The following ZMYM5 variants were observed in gnomAD, a reference collection of about 807,000 sequenced individuals.
The protein encoded by ZMYM5 is zinc finger MYM-type protein 5.
A neutral mutation model predicts 61.8 loss-of-function variants in ZMYM5; 41 were observed. The observed-to-expected ratio is 0.66, with a 90% CI of 0.52 to 0.86. The LOEUF is 0.86. ZMYM5 is among the 40% of genes least tolerant of loss of function. The probability of loss-of-function intolerance (pLI) is 0.00; values close to 1 mark genes in which losing one functional copy is unlikely to be tolerated. For synonymous variants in ZMYM5, 257 were observed against 276.4 expected (o/e 0.93, Z 0.70); for missense variants, 706 against 786.7 (o/e 0.90, Z 1.23).
intron 2 of ZMYM5, among the ~76,000 whole-genome samples, chr13:19,857,680 T>TC (rs1205130997): frequency 2.0e-5 from 3 of 152,058 alleles, no homozygotes; most frequent in Non-Finnish European, 4.4e-5. Context: ...GGCCAGGAGT[T>TC]CAAGACCAAC....
intron 6 of ZMYM5, 30 bp downstream of exon 6, chr13:19,837,626 A>G (rs1952715837): frequency 6.2e-7 from 1 of 1,601,880 alleles, no homozygotes; most frequent in Admixed American, 1.8e-5. Flanking sequence ...CTGTTAGCCT[A>G]AACAACAACT....
chr13:19,826,046 T>TAAAAACAAAAAAAAAAAAAAAAAA (rs1890899661), intron 7 of ZMYM5, among the ~76,000 whole-genome samples: 1 of 118,890 alleles, frequency 8.4e-6, no homozygotes. Flanking sequence ...ACTCCATGCT[T>TAAAAACAAAAAAAAAAAAAAAAAA]AAAAAAAAAA....
chr13:19,833,376 A>G (rs1952584598), intron 7 of ZMYM5, among the ~76,000 whole-genome samples: 1 of 152,194 alleles, frequency 6.6e-6, no homozygotes. Flanking sequence ...TTATTTCAGC[A>G]TAATTTGTTA....
rs564187132 is a variant in ZMYM5, at chr13:19,841,198, C to T, written c.587-2213G>A. ...CAGGCTGGTCTTGAACTCCTGACCT[C>T]GTGATCTGCCCGCCTCAGCCTCCAA... On this transcript the variant is annotated intron_variant, in intron 4 of 7. Transcript: ENST00000337963. 3.3e-5 allele frequency among the ~76,000 whole-genome samples: 5 copies of T among 151,674 alleles called. No individual in the cohort carries two copies. In the South Asian group the frequency reaches 1.0e-3, roughly 32 times the overall value.
chr13:19,841,694 GC>G (rs1952883847), intron 4 of ZMYM5: 1 of 149,808 alleles, frequency 6.7e-6, no homozygotes, highest in Non-Finnish European at 1.5e-5. Context: ...TCTCTCATGA[GC>G]TTTTTTTTTT....
At chr13:19,841,654 T>C (rs1012293249) in intron 4 of ZMYM5, among the ~76,000 whole-genome samples, 17 of 152,094 alleles carry the variant, frequency 1.1e-4, no homozygotes, top group African/African-American at 3.9e-4. Flanking sequence ...ATACAAAAGA[T>C]GTAAGAGCAA....
intron 6 of ZMYM5, among the ~76,000 whole-genome samples, chr13:19,836,188 CAA>C (rs1025813456): frequency 2.0e-5 from 3 of 151,668 alleles, no homozygotes; most frequent in Non-Finnish European, 4.4e-5. Context: ...TTTGATTTCA[CAA>C]AAGAGGACAA....
intron 4 of ZMYM5, among the ~76,000 whole-genome samples, chr13:19,847,369 A>G (rs900974701): frequency 1.3e-5 from 2 of 152,182 alleles, no homozygotes; most frequent in African/African-American, 4.8e-5. Context: ...CGTGGAAAAT[A>G]GTCCTCCCTT....
chr13:19,825,517 T>C (rs1243292655), intron 7 of ZMYM5, among the ~76,000 whole-genome samples: 1 of 151,924 alleles, frequency 6.6e-6, no homozygotes, highest in Non-Finnish European at 1.5e-5. Context: ...CACAGTGGCA[T>C]GCGCCTGTAA....
At chr13:19,852,767 T>C (rs1388156905) in intron 2 of ZMYM5, among the ~76,000 whole-genome samples, 4 of 152,124 alleles carry the variant, frequency 2.6e-5, no homozygotes, top group African/African-American at 4.8e-5. Context: ...TTTACTCTTA[T>C]AGTTCAAGAA....
chr13:19,838,909 G>C lies in ZMYM5; in HGVS notation c.663C>G (p.Ala221=). ...GCTGGAAATTCTGCTTACGAAGTAA[G>C]GCCACTGGTGATAAAGAATCCACCC... The part of the protein sequence containing the change: ...QPGVDSLSPV[A]LLRKQNFQPT... The change falls in exon 5 of 8, where the codon GCC becomes GCG. Residue 221 remains alanine (A), a synonymous_variant. Transcript: ENST00000337963. The C allele has an allele frequency of 1.2e-6, 2 of 1,614,108 alleles. No individual in the cohort carries two copies. Among genetic ancestry groups the C allele is most frequent in the Non-Finnish European group, 1.7e-6 (2 of 1,180,042 alleles).
At chr13:19,850,408 T>C (rs1953244812) in intron 4 of ZMYM5, among the ~76,000 whole-genome samples, 1 of 152,132 alleles carries the variant, frequency 6.6e-6, no homozygotes, top group South Asian at 2.1e-4. Flanking sequence ...GAGACCAGCC[T>C]GGCCAACATG....
At chr13:19,829,067 A>C (rs555798377) in intron 7 of ZMYM5, among the ~76,000 whole-genome samples, 143 of 152,260 alleles carry the variant, frequency 9.4e-4, no homozygotes, top group Middle Eastern at 3.4e-3. Context: ...AAGCCACTGC[A>C]CAGCAGCCTG....
chr13:19,848,542 TG>T (rs147368211), intron 4 of ZMYM5, among the ~76,000 whole-genome samples: 12,406 of 150,408 alleles, frequency 0.082, 540 homozygotes, highest in Middle Eastern at 0.13. Context: ...TCAGCCTCTT[TG>T]TTTTTTTTTG....
At chr13:19,842,989 T>C (rs1433585560) in intron 4 of ZMYM5, among the ~76,000 whole-genome samples, 1 of 148,462 alleles carries the variant, frequency 6.7e-6, no homozygotes, top group Non-Finnish European at 1.5e-5. Context: ...AAAAAAAAGT[T>C]TTTTTACATG....
At chr13:19,858,585 C>CAAAA (rs34468029) in intron 2 of ZMYM5, among the ~76,000 whole-genome samples, 52 of 85,076 alleles carry the variant, frequency 6.1e-4, no homozygotes, top group East Asian at 1.2e-3. Context: ...GACGCTGTTT[C>CAAAA]AAAAAAAAAA....
intron 4 of ZMYM5, among the ~76,000 whole-genome samples, chr13:19,839,953 TA>T (rs1391539131): frequency 4.6e-5 from 7 of 152,208 alleles, no homozygotes; most frequent in African/African-American, 1.7e-4. Context: ...CAGTATTACT[TA>T]TAGGCGAGAT....
At chr13:19,838,045 T>C (rs1305651467) in intron 5 of ZMYM5, among the ~76,000 whole-genome samples, 1 of 152,062 alleles carries the variant, frequency 6.6e-6, no homozygotes, top group Non-Finnish European at 1.5e-5. Context: ...CACAAGAACC[T>C]TGCCACAAGT....
intron 4 of ZMYM5, among the ~76,000 whole-genome samples, chr13:19,850,160 A>G (rs1953235202): frequency 6.6e-6 from 1 of 152,160 alleles, no homozygotes; most frequent in Admixed American, 6.6e-5. Flanking sequence ...ACAAAAAGGC[A>G]TTGCTATTTA....
Sources: gnomAD v4.1 joint callset for allele counts (sites outside exome capture counted in the v4.1 genomes callset) on GRCh38, gnomAD v4.1.1 for gene constraint, MANE v1.5 for transcripts, NCBI Gene and HGNC (gene_info 2026-07-23, HGNC 2026-07-21) for gene names.